Variants in PALLD observed in about 807,000 individuals in gnomAD.
PALLD encodes palladin.
PALLD carries 61 observed loss-of-function variants against 123.5 expected under a neutral mutation model. That is an observed-to-expected ratio of 0.49 (90% CI 0.40 to 0.61). The LOEUF (loss-of-function observed/expected upper bound fraction) is 0.61. Among genes scored for constraint, PALLD ranks in the 20% least tolerant of loss-of-function variants. PALLD has a pLI of 0.00. For synonymous variants in PALLD, 465 were observed against 496.4 expected, an observed-to-expected ratio of 0.94 and a Z score of 0.84; for missense variants, 1,273 against 1,377.0, an observed-to-expected ratio of 0.92 and a Z score of 1.20.
chr4:168,903,150 A>G (rs1432740382), intron 14 of PALLD, among the ~76,000 whole-genome samples: 6 of 151,856 alleles, frequency 4.0e-5, no homozygotes, highest in Non-Finnish European at 2.9e-5. Flanking sequence ...CATAATGGGG[A>G]TAGGTGACAA....
chr4:168,759,674 G>T (rs958176295), intron 10 of PALLD, among the ~76,000 whole-genome samples: 2 of 133,720 alleles, frequency 1.5e-5, no homozygotes, highest in Admixed American at 1.7e-4. Context: ...CCTAAACATG[G>T]TTCATTAGGA....
At chr4:168,558,515 A>G (rs182040675) in intron 2 of PALLD, among the ~76,000 whole-genome samples, 53 of 152,312 alleles carry the variant, frequency 3.5e-4, no homozygotes, top group Admixed American at 9.8e-4. Flanking sequence ...GCCTGGCAGC[A>G]GCTCTCTCCA....
At chr4:168,791,694 C>A (rs534147156) in intron 10 of PALLD, among the ~76,000 whole-genome samples, 1 of 152,222 alleles carries the variant, frequency 6.6e-6, no homozygotes, top group East Asian at 1.9e-4. Flanking sequence ...CATATCAGAT[C>A]CTGATAGATT....
intron 10 of PALLD, among the ~76,000 whole-genome samples, chr4:168,781,346 G>T (rs145098358): frequency 6.6e-5 from 10 of 152,256 alleles, no homozygotes; most frequent in African/African-American, 2.4e-4. Context: ...GTCAGAAGTG[G>T]GCAGAGCCTA....
chr4:168,516,914 G>T (rs1763041396), intron 2 of PALLD, among the ~76,000 whole-genome samples: 1 of 152,118 alleles, frequency 6.6e-6, no homozygotes, highest in South Asian at 2.1e-4. Context: ...AGTTAATCAT[G>T]GTCAATCAAC....
At chr4:168,838,490 T>C (rs2150907416) in intron 10 of PALLD, among the ~76,000 whole-genome samples, 1 of 151,646 alleles carries the variant, frequency 6.6e-6, no homozygotes, top group South Asian at 2.1e-4. Flanking sequence ...GGGGTGCAGT[T>C]TGAGGAGAGA....
At chr4:168,589,453 C>G (rs941859604) in intron 2 of PALLD, among the ~76,000 whole-genome samples, 1 of 152,066 alleles carries the variant, frequency 6.6e-6, no homozygotes, top group Admixed American at 6.6e-5. Flanking sequence ...TTTCCTCCTG[C>G]GACTATCAGT....
At chr4:168,741,531 A>T (rs1183839014) in intron 10 of PALLD, among the ~76,000 whole-genome samples, 2 of 152,114 alleles carry the variant, frequency 1.3e-5, no homozygotes, top group Non-Finnish European at 2.9e-5. Context: ...TTAAAAAAAA[A>T]TAAAAGTAGC....
chr4:168,668,538 C>G (rs1779873580), intron 3 of PALLD, among the ~76,000 whole-genome samples, 170 bp downstream of exon 3: 1 of 152,216 alleles, frequency 6.6e-6, no homozygotes, highest in African/African-American at 2.4e-5. Flanking sequence ...GACATTTAGG[C>G]ACCCATCAAC....
intron 8 of PALLD, among the ~76,000 whole-genome samples, chr4:168,704,684 AAAT>A (rs1233181299): frequency 0.026 from 2,972 of 115,164 alleles, 183 homozygotes; most frequent in East Asian, 0.26. Context: ...AAAAAAAAAA[AAAT>A]GTGTATGTTG....
chr4:168,746,611 A>G (rs1185205090), intron 10 of PALLD, among the ~76,000 whole-genome samples: 1 of 152,090 alleles, frequency 6.6e-6, no homozygotes, highest in African/African-American at 2.4e-5. Context: ...TTAACTTACG[A>G]GTACTGTACC....
intron 10 of PALLD, among the ~76,000 whole-genome samples, chr4:168,720,655 C>A (rs1342135566): frequency 6.6e-6 from 1 of 152,154 alleles, no homozygotes; most frequent in Admixed American, 6.5e-5. Flanking sequence ...TTTGCATTTG[C>A]ATTTCTCTTC....
At chr4:168,752,741 T>C (rs1197371315) in intron 10 of PALLD, among the ~76,000 whole-genome samples, 1 of 152,080 alleles carries the variant, frequency 6.6e-6, no homozygotes, top group Non-Finnish European at 1.5e-5. Flanking sequence ...GTAGTAATTT[T>C]TTTTTGCCAT....
At chr4:168,588,044 T>G (rs544441334) in intron 2 of PALLD, among the ~76,000 whole-genome samples, 2 of 151,952 alleles carry the variant, frequency 1.3e-5, no homozygotes, top group Admixed American at 6.6e-5. Flanking sequence ...TCAAATCTGG[T>G]GCTAACTGGC....
chr4:168,673,293 G>A (rs1780479788), intron 3 of PALLD, among the ~76,000 whole-genome samples: 1 of 152,348 alleles, frequency 6.6e-6, no homozygotes, highest in South Asian at 2.1e-4. Flanking sequence ...GGGATGCGGT[G>A]ATCAGGAAGC....
At chr4:168,522,781 A>G (rs1763678780) in intron 2 of PALLD, among the ~76,000 whole-genome samples, 1 of 152,198 alleles carries the variant, frequency 6.6e-6, no homozygotes, top group Admixed American at 6.5e-5. Flanking sequence ...GTTCTTTCCT[A>G]TTTAATTTTA....
chr4:168,679,974 A>G (rs1425634999), intron 3 of PALLD, among the ~76,000 whole-genome samples: 1 of 152,110 alleles, frequency 6.6e-6, no homozygotes, highest in African/African-American at 2.4e-5. Context: ...TTACCTAAAC[A>G]TGACTGTTTT....
intron 10 of PALLD, among the ~76,000 whole-genome samples, chr4:168,800,936 TAAATG>T (rs1739236091): frequency 6.6e-6 from 1 of 152,246 alleles, no homozygotes; most frequent in African/African-American, 2.4e-5. Flanking sequence ...GCAATTAAAA[TAAATG>T]AACTATAGCT....
intron 2 of PALLD, among the ~76,000 whole-genome samples, chr4:168,537,963 A>G (rs569964073): frequency 1.3e-5 from 2 of 152,350 alleles, no homozygotes; most frequent in Admixed American, 1.3e-4. Flanking sequence ...ATTGAATTCT[A>G]TCCCCCTTCA....
Sources: allele counts gnomAD v4.1 joint callset (sites outside exome capture counted in the v4.1 genomes callset), GRCh38; gene constraint gnomAD v4.1.1; transcripts MANE v1.5; gene names NCBI Gene and HGNC (gene_info 2026-07-23, HGNC 2026-07-21).